SHANK2: variants seen among roughly 807,000 people sequenced by gnomAD.
SHANK2 encodes the protein SH3 and multiple ankyrin repeat domains 2.
A neutral mutation model predicts 133.7 loss-of-function variants in SHANK2; 43 were observed. The observed-to-expected ratio is 0.32, with a 90% confidence interval of 0.25 to 0.41. The LOEUF is 0.41. Among genes scored for constraint, SHANK2 ranks in the 10% least tolerant of loss-of-function variants. The probability of loss-of-function intolerance (pLI) is 1.00; values close to 1 mark genes in which losing one functional copy is unlikely to be tolerated. For missense variants in SHANK2, 1,994 were observed against 2,235.8 expected (o/e 0.89, Z 2.18); for synonymous variants, 1,017 against 952.8 (o/e 1.07, Z -1.24).
chr11:70,641,567 C>T (rs2061183325), intron 17 of SHANK2, among the ~76,000 whole-genome samples: 1 of 152,152 alleles, frequency 6.6e-6, no homozygotes, highest in Non-Finnish European at 1.5e-5. Flanking sequence ...GTCAACGGAA[C>T]AGAAGCGGAA....
intron 17 of SHANK2, among the ~76,000 whole-genome samples, chr11:70,652,978 T>C (rs1460725026): frequency 6.6e-6 from 1 of 152,006 alleles, no homozygotes; most frequent in African/African-American, 2.4e-5. Context: ...TTCTTTCCCT[T>C]TTCTCTTTTT....
intron 17 of SHANK2, among the ~76,000 whole-genome samples, chr11:70,642,402 A>G (rs1272196018): frequency 6.6e-6 from 1 of 152,234 alleles, no homozygotes; most frequent in Non-Finnish European, 1.5e-5. Flanking sequence ...CAAACCAACC[A>G]GTGAGTGACA....
chr11:70,654,278 C>T (rs1295536299), intron 17 of SHANK2: 1 of 152,194 alleles, frequency 6.6e-6, no homozygotes, highest in East Asian at 1.9e-4. Flanking sequence ...CCCAGGAAGG[C>T]TTTTTCCTCT....
rs548469707 is a variant in SHANK2 at position 70,937,464 on chromosome 11, C to T, written c.1108-40897G>A. On this transcript the variant is annotated intron_variant, in intron 10 of 25. Coordinates refer to ENST00000601538, the MANE Select transcript of SHANK2 (RefSeq NM_012309.5). ...CCTTCGGATGATGGACAAGTGACAT[C>T]GTCAGCCCCCTGGGGTCTCCCAGAT... Among the ~76,000 whole-genome samples, 71 of 152,312 alleles carry T rather than the reference C, an allele frequency of 4.7e-4. No homozygotes were observed. The Middle Eastern group carries it at 0.01, about 22-fold the overall frequency.
At chr11:71,247,266 C>T (rs1221749125) in intron 1 of SHANK2, among the ~76,000 whole-genome samples, 1 of 152,068 alleles carries the variant, frequency 6.6e-6, no homozygotes, top group Non-Finnish European at 1.5e-5. Flanking sequence ...TTTAAAATAT[C>T]GATATTTACC....
chr11:70,705,068 A>G (rs1945629974), intron 14 of SHANK2: 1 of 152,094 alleles, frequency 6.6e-6, no homozygotes, highest in African/African-American at 2.4e-5. Context: ...TCCTCAAGTC[A>G]CCCCCTGTTG....
chr11:70,833,338 G>A lies in SHANK2; in HGVS notation c.1175-12656C>T, dbSNP rs545626851. Among the ~76,000 whole-genome samples, 11 of 152,346 alleles carry A rather than the reference G, an allele frequency of 7.2e-5. No homozygotes were observed. In the East Asian group the frequency reaches 9.7e-4, roughly 13 times the overall value. On this transcript the variant is annotated intron_variant, in intron 11 of 25. Coordinates refer to ENST00000601538, the MANE Select transcript of SHANK2 (RefSeq NM_012309.5). Reference sequence around the variant, plus strand: ...CCAGCCCTCTTGGAGCACAGTGACCGCCTGACATCTGTCAGAGTCTTCTGC... The same window carrying A: ...CCAGCCCTCTTGGAGCACAGTGACCACCTGACATCTGTCAGAGTCTTCTGC...
intron 17 of SHANK2, among the ~76,000 whole-genome samples, chr11:70,600,418 C>CAAAAAAAAAAAAAAAAAAAGAAAAA (rs2060477982): frequency 1.0e-5 from 1 of 95,460 alleles, no homozygotes; most frequent in African/African-American, 3.8e-5. Flanking sequence ...GACTCTGTCT[C>CAAAAAAAAAAAAAAAAAAAGAAAAA]AAAAAAAAAA....
intron 14 of SHANK2, among the ~76,000 whole-genome samples, chr11:70,721,189 T>C (rs1161133052): frequency 2.6e-5 from 4 of 152,210 alleles, no homozygotes; most frequent in African/African-American, 9.6e-5. Context: ...CTGCTGCTCC[T>C]TCCCGAAAGA....
intron 17 of SHANK2, among the ~76,000 whole-genome samples, chr11:70,637,691 T>A (rs2061123498): frequency 6.6e-6 from 1 of 152,222 alleles, no homozygotes; most frequent in Admixed American, 6.5e-5. Context: ...GAGGGGAGAC[T>A]GGCTGCTCCA....
chr11:70,767,694 TG>T lies in SHANK2; in HGVS notation c.1777+30748del, dbSNP rs782230264. Among the ~76,000 whole-genome samples, 213 of 150,378 alleles carry T rather than the reference TG, an allele frequency of 1.4e-3. 1 individual carries two copies. The highest frequency in any genetic ancestry group is 5.0e-3 in the African/African-American group (206 of 40,906). On this transcript the variant is annotated intron_variant, in intron 14 of 25. Coordinates refer to ENST00000601538, the MANE Select transcript of SHANK2 (RefSeq NM_012309.5). ...GAAGTAGATTAGTGGCTGCCAGGGGTGGGGGGGGCATGAGGAGTGACTGCTA... is the reference window on the plus strand; with the variant it reads ...GAAGTAGATTAGTGGCTGCCAGGGGTGGGGGGGCATGAGGAGTGACTGCTA...
chr11:71,229,534 G>T (rs910096461), intron 1 of SHANK2, among the ~76,000 whole-genome samples: 3 of 152,060 alleles, frequency 2.0e-5, no homozygotes, highest in East Asian at 3.9e-4. Flanking sequence ...CTTCTGGGAG[G>T]CCGAGGTGGG....
chr11:70,539,735 C>T (rs782596358), intron 17 of SHANK2, among the ~76,000 whole-genome samples: 3 of 152,130 alleles, frequency 2.0e-5, no homozygotes, highest in African/African-American at 7.2e-5. Context: ...GAGCCATGAC[C>T]CAGCAGGCTG....
Position 70,471,505 on chromosome 11 carries a change from CAG to C in SHANK2, c.*1362_*1363del. The C allele has an allele frequency of 7.5e-6, 3 of 398,134 alleles. No individual in the cohort carries two copies. In the East Asian group the frequency reaches 1.1e-4, roughly 14 times the overall value. 24.7% of individuals were successfully genotyped at this position (398,134 alleles called of 1,614,324 possible). On this transcript the variant is annotated 3_prime_UTR_variant, in exon 26 of 26. Coordinates refer to ENST00000601538, the MANE Select transcript of SHANK2 (RefSeq NM_012309.5). This position sits in a 1 kb window ranked among gnomAD's most constrained non-coding sequence, Gnocchi z 4.1. Reference sequence around the variant, plus strand: ...GGGGCGGGGCTCAAGAAAGCCTTGCCAGAGAGGCTGACCTGGCAGCCCAGGAG... The same window carrying C: ...GGGGCGGGGCTCAAGAAAGCCTTGCCAGAGGCTGACCTGGCAGCCCAGGAG...
chr11:71,091,876 C>T (rs1951524828), intron 8 of SHANK2, among the ~76,000 whole-genome samples: 1 of 152,222 alleles, frequency 6.6e-6, no homozygotes, highest in South Asian at 2.1e-4. Context: ...GTCCACACCT[C>T]TACCTGATCA....
intron 17 of SHANK2, among the ~76,000 whole-genome samples, chr11:70,533,622 G>A (rs1310859247): frequency 6.6e-6 from 1 of 152,140 alleles, no homozygotes; most frequent in Non-Finnish European, 1.5e-5. Context: ...AGCTTTTTGG[G>A]GGACATGCAT....
chr11:70,676,251 A>G (rs373380000), intron 15 of SHANK2, among the ~76,000 whole-genome samples: 1 of 152,198 alleles, frequency 6.6e-6, no homozygotes, highest in Non-Finnish European at 1.5e-5. Context: ...GAAAAGCCAG[A>G]CACTTGCTAT....
chr11:70,752,980 G>A (rs1946787836), intron 14 of SHANK2, among the ~76,000 whole-genome samples: 1 of 151,840 alleles, frequency 6.6e-6, no homozygotes, highest in Non-Finnish European at 1.5e-5. Flanking sequence ...GGGTGTGGTG[G>A]CAGGTACCTG....
chr11:70,920,970 C>G (rs1303294447), intron 10 of SHANK2, among the ~76,000 whole-genome samples: 1 of 152,150 alleles, frequency 6.6e-6, no homozygotes, highest in African/African-American at 2.4e-5. Flanking sequence ...CCTTAAACAC[C>G]AGTTTCGACT....
Sources: allele counts gnomAD v4.1 joint callset (sites outside exome capture counted in the v4.1 genomes callset), GRCh38; gene constraint gnomAD v4.1.1; non-coding constraint Gnocchi (gnomAD v3.1); transcripts MANE v1.5; gene names NCBI Gene and HGNC (gene_info 2026-07-23, HGNC 2026-07-21).